The following RPL5 variants were observed in gnomAD, a reference collection of about 807,000 sequenced individuals.
RPL5 encodes ribosomal protein L5.
RPL5 carries 1 observed loss-of-function variant against 38.4 expected under a neutral mutation model. That is an observed-to-expected ratio of 0.03 (90% CI 0.01 to 0.12). The LOEUF is 0.12. Among genes scored for constraint, RPL5 ranks in the 10% least tolerant of loss-of-function variants. The pLI is 1.00. For synonymous variants in RPL5, 109 were observed against 121.2 expected (o/e 0.90, Z 0.66); for missense variants, 243 against 374.1 (o/e 0.65, Z 2.89).
chr1:92,833,751 G>A, intron 3 of RPL5, 91 bp downstream of exon 3: 1 of 977,612 alleles, frequency 1.0e-6, no homozygotes, highest in South Asian at 1.3e-5. Flanking sequence ...TAGAAGGGCT[G>A]TCTAGCACCT....
intron 6 of RPL5, 103 bp downstream of exon 6, chr1:92,837,736 A>G (rs1687184783): frequency 2.2e-6 from 2 of 903,702 alleles, no homozygotes; most frequent in Admixed American, 2.0e-5. Context: ...GTGTTTCTTG[A>G]CAACATGAGC....
At chr1:92,833,067 T>C (rs751914143) in intron 1 of RPL5, 1 of 724,066 alleles carries the variant, frequency 1.4e-6, no homozygotes, top group South Asian at 1.5e-5. Flanking sequence ...TTGAAAGCGT[T>C]TAAAACCTTT....
At chr1:92,837,229 G>C in intron 5 of RPL5, 1 of 712,302 alleles carries the variant, frequency 1.4e-6, no homozygotes, top group Non-Finnish European at 2.6e-6. Context: ...CCTTGGTAAT[G>C]GCTTTTAAAG....
Position 92,833,451 on chromosome 1 carries a change from A to G in RPL5, c.66A>G (p.Arg22=). 6.2e-7 allele frequency: 1 copy of G among 1,614,072 alleles called. No homozygotes were observed. Among genetic ancestry groups the G allele is most frequent in the Non-Finnish European group, 8.5e-7 (1 of 1,179,928 alleles). ...AGAGATACCAAGTGAAATTTAGAAGACGACGAGGTACTGTCACCTTTTTGT... is the reference window on the plus strand; with the variant it reads ...AGAGATACCAAGTGAAATTTAGAAGGCGACGAGGTACTGTCACCTTTTTGT... ...YFKRYQVKFR[R]RREGKTDYYA... The change falls in exon 2 of 8, where the codon AGA becomes AGG. Residue 22 remains arginine, a synonymous_variant. Transcript: ENST00000370321.
chr1:92,839,593 C>G (rs139891722), intron 6 of RPL5, among the ~76,000 whole-genome samples: 1 of 152,150 alleles, frequency 6.6e-6, no homozygotes, highest in African/African-American at 2.4e-5. Flanking sequence ...GATGAATTTG[C>G]TTGTTGGCCT....
chr1:92,840,199 A>G, intron 6 of RPL5: 1 of 267,046 alleles, frequency 3.7e-6, no homozygotes, highest in Non-Finnish European at 7.3e-6. Context: ...TTTTATGGAG[A>G]CAGGTCTCAC....
chr1:92,835,443 A>G (rs1479321293), intron 4 of RPL5: 1 of 175,204 alleles, frequency 5.7e-6, no homozygotes, highest in Non-Finnish European at 1.2e-5. Flanking sequence ...ACTTGAGGTC[A>G]GGAGTTTGAG....
intron 1 of RPL5, 200 bp downstream of exon 1, chr1:92,832,317 C>A: frequency 2.5e-6 from 2 of 787,536 alleles, no homozygotes; most frequent in Non-Finnish European, 4.3e-6. Context: ...GAGGGGTTGG[C>A]GAAGAAGGGT....
chr1:92,839,022 G>C (rs1391849356), intron 6 of RPL5, among the ~76,000 whole-genome samples: 1 of 147,584 alleles, frequency 6.8e-6, no homozygotes, highest in Non-Finnish European at 1.5e-5. Context: ...GATATTCAGA[G>C]AGTTGCAGCT....
chr1:92,833,887 C>G, intron 3 of RPL5: 1 of 536,294 alleles, frequency 1.9e-6, no homozygotes. Flanking sequence ...GGGAAGATTG[C>G]TTGAGCCCAG....
At chr1:92,836,435 T>C (rs1417127673) in intron 5 of RPL5, 43 bp downstream of exon 5, 5 of 1,563,018 alleles carry the variant, frequency 3.2e-6, no homozygotes. Context: ...ACCGTGGTAC[T>C]TCCCTGTTTT....
chr1:92,832,988 C>T, intron 1 of RPL5: 1 of 733,954 alleles, frequency 1.4e-6, no homozygotes, highest in Non-Finnish European at 2.5e-6. Context: ...TGATTGCTGT[C>T]TGGAGCAGTG....
chr1:92,841,827 A>G lies in RPL5; in HGVS notation c.856A>G (p.Ser286Gly). The G allele has an allele frequency of 1.2e-6, 2 of 1,611,888 alleles. No individual in the cohort carries two copies. Among genetic ancestry groups the G allele is most frequent in the Non-Finnish European group, 1.7e-6 (2 of 1,179,798 alleles). ...KKDRVAQKKA[S>G]FLRAQERAAE... ...GGATCGGGTAGCTCAAAAGAAGGCAAGCTTCCTCAGAGCTCAGGAGCGGGC... is the reference window on the plus strand; with the variant it reads ...GGATCGGGTAGCTCAAAAGAAGGCAGGCTTCCTCAGAGCTCAGGAGCGGGC... The change falls in exon 8 of 8, where the codon AGC becomes GGC. Residue 286 changes from serine (S) to glycine (G), a missense_variant. Physicochemically the swap from Ser to Gly is moderately conservative, Grantham distance 56. Transcript: ENST00000370321.
chr1:92,839,508 A>C (rs1317161523), intron 6 of RPL5, among the ~76,000 whole-genome samples: 1 of 152,184 alleles, frequency 6.6e-6, no homozygotes, highest in African/African-American at 2.4e-5. Context: ...TCCTTGGTAC[A>C]TAATGCTGGG....
Position 92,832,204 on chromosome 1 carries a change from G to A in RPL5, c.3+87G>A, listed in dbSNP as rs1034277591. Reference sequence around the variant, plus strand: ...TGCCAGCCTAGGGCCCGTCTCGCGCGTCGCAGGGGCCGGATGGCGTTAGAT... The same window carrying A: ...TGCCAGCCTAGGGCCCGTCTCGCGCATCGCAGGGGCCGGATGGCGTTAGAT... On this transcript the variant is annotated intron_variant, in intron 1 of 7. Transcript: ENST00000370321. The A allele has an allele frequency of 2.5e-6, 4 of 1,586,608 alleles. No homozygotes were observed. The African/African-American group carries it at 5.4e-5, about 21-fold the overall frequency.
At chr1:92,837,778 T>C in intron 6 of RPL5, 145 bp downstream of exon 6, 2 of 706,526 alleles carry the variant, frequency 2.8e-6, no homozygotes, top group Non-Finnish European at 4.9e-6. Flanking sequence ...AGTAATCTTT[T>C]AGATGCTCAA....
intron 4 of RPL5, 130 bp downstream of exon 4, chr1:92,835,043 C>T: frequency 1.5e-6 from 2 of 1,310,186 alleles, no homozygotes; most frequent in Non-Finnish European, 2.2e-6. Flanking sequence ...CAGTTTTCTG[C>T]TTTGTTAATG....
Position 92,841,906 on chromosome 1 carries a change from A to C in RPL5, c.*41A>C. On this transcript the variant is annotated 3_prime_UTR_variant, in exon 8 of 8. Coordinates refer to ENST00000370321, the MANE Select transcript of RPL5 (RefSeq NM_000969.5). ...ATGATTTTTTCAGATATAGATAATA[A>C]ACTTATGAACAGCAACTATTTCTGT... The C allele has an allele frequency of 1.4e-6, 2 of 1,405,322 alleles. No homozygotes were observed. Among genetic ancestry groups the C allele is most frequent in the Non-Finnish European group, 2.0e-6 (2 of 995,586 alleles). The allele number at this position is 1,405,322 out of a possible 1,614,324, so 87.1% of individuals were successfully genotyped here. A position where few individuals can be genotyped will look rare whatever the true frequency, so the allele number is the denominator to read the frequency against.
intron 7 of RPL5, among the ~76,000 whole-genome samples, chr1:92,841,444 C>T (rs932932675): frequency 1.3e-5 from 2 of 152,140 alleles, no homozygotes; most frequent in African/African-American, 2.4e-5. Context: ...TATAGTGCTG[C>T]AATGAACATG....
Sources: allele counts gnomAD v4.1 joint callset (sites outside exome capture counted in the v4.1 genomes callset), GRCh38; gene constraint gnomAD v4.1.1; transcripts MANE v1.5; gene names NCBI Gene and HGNC (gene_info 2026-07-23, HGNC 2026-07-21).